Variants in SOX6 observed in about 807,000 individuals in gnomAD.
SOX6 encodes transcription factor SOX-6.
A neutral mutation model predicts 97.8 loss-of-function variants in SOX6; 11 were observed. The observed-to-expected ratio is 0.11, with a 90% CI of 0.07 to 0.19. SOX6 has a LOEUF of 0.19. Among genes scored for constraint, SOX6 ranks in the 10% least tolerant of loss-of-function variants. The pLI is 1.00. For missense variants in SOX6, 810 were observed against 1,039.5 expected (o/e 0.78, Z 3.04); for synonymous variants, 360 against 371.4 (o/e 0.97, Z 0.35).
chr11:16,304,428 T>C (rs1055071350), intron 3 of SOX6, among the ~76,000 whole-genome samples: 2 of 152,114 alleles, frequency 1.3e-5, no homozygotes, highest in African/African-American at 4.8e-5. Context: ...GCTTCCACTA[T>C]GGGAGAATGC....
intron 12 of SOX6, 184 bp from the exon 13 acceptor site, chr11:16,015,234 A>G: frequency 1.6e-6 from 1 of 642,532 alleles, no homozygotes; most frequent in Non-Finnish European, 2.8e-6. Context: ...CAGCACTGAC[A>G]GCATCTAGAC....
At chr11:16,590,453 C>T (rs1253212012) in intron 4 of SOX6, among the ~76,000 whole-genome samples, 1 of 152,036 alleles carries the variant, frequency 6.6e-6, no homozygotes, top group Non-Finnish European at 1.5e-5. Context: ...AGAGATAGTA[C>T]CATGGACTTC....
At chr11:16,713,766 A>G (rs1306792900) in intron 3 of SOX6, among the ~76,000 whole-genome samples, 1 of 152,236 alleles carries the variant, frequency 6.6e-6, no homozygotes, top group Non-Finnish European at 1.5e-5. Flanking sequence ...TCCATGAAGC[A>G]ATGTCACAAC....
chr11:16,427,328 T>C lies in SOX6; in HGVS notation c.-5+48987A>G, dbSNP rs1859163754. On this transcript the variant is annotated intron_variant, in intron 1 of 15. Transcript: ENST00000396356. ...TGCAACGGACATGACCATGCACTTT[T>C]CTTTTTTTTTTTTAATTATACTTTA... Among the ~76,000 whole-genome samples the C allele has an allele frequency of 2.6e-4, 3 of 11,578 alleles. No individual in the cohort carries two copies. The South Asian group carries it at 5.7e-3, about 22-fold the overall frequency. The allele number at this position is 11,578 out of a possible 152,430, so 7.6% of individuals were successfully genotyped here.
chr11:16,172,137 C>G (rs970790269), intron 6 of SOX6, among the ~76,000 whole-genome samples: 4 of 151,754 alleles, frequency 2.6e-5, no homozygotes, highest in Admixed American at 2.6e-4. Context: ...CATCTCTTTT[C>G]AAATGAAAAT....
intron 6 of SOX6, among the ~76,000 whole-genome samples, chr11:16,120,581 T>TATATATGC (rs140473523): frequency 2.0e-5 from 3 of 149,724 alleles, no homozygotes; most frequent in East Asian, 4.1e-4. Flanking sequence ...TATATATATA[T>TATATATGC]ACACACACTT....
intron 3 of SOX6, among the ~76,000 whole-genome samples, chr11:16,709,517 C>CA (rs1013121894): frequency 5.5e-4 from 79 of 143,968 alleles, no homozygotes; most frequent in African/African-American, 7.7e-4. Context: ...GACTGTGTCT[C>CA]AAAAAAAAAA....
chr11:16,260,327 G>A (rs1461768519), intron 3 of SOX6, among the ~76,000 whole-genome samples: 1 of 151,944 alleles, frequency 6.6e-6, no homozygotes, highest in Non-Finnish European at 1.5e-5. Context: ...AAATAAAGAA[G>A]TACTATTCTT....
chr11:16,191,288 C>G (rs1851623570), intron 4 of SOX6, among the ~76,000 whole-genome samples: 1 of 152,008 alleles, frequency 6.6e-6, no homozygotes, highest in African/African-American at 2.4e-5. Flanking sequence ...GAACCTGTCT[C>G]TCCAAAAATT....
chr11:16,313,623 A>C (rs1855673283), intron 3 of SOX6: 1 of 152,110 alleles, frequency 6.6e-6, no homozygotes, highest in South Asian at 2.1e-4. Context: ...AATCTATCCT[A>C]AACTTTTTAA....
chr11:16,613,621 C>T lies in SOX6; in HGVS notation n.430-1361G>A, dbSNP rs182751124. 5.9e-5 allele frequency among the ~76,000 whole-genome samples: 9 copies of T among 152,166 alleles called. No individual in the cohort carries two copies. In the East Asian group the frequency reaches 1.7e-3, roughly 30 times the overall value. On this transcript the variant is annotated intron_variant and non_coding_transcript_variant, in intron 3 of 5. Coordinates refer to the SOX6 transcript ENST00000524520. This position sits in a 1 kb window ranked among gnomAD's most constrained non-coding sequence, Gnocchi z 4.6. ...GCTGCCTCCACGCGCGCGCGCGGAC[C>T]CACGAGCACACACACACGCACGCAC...
At chr11:16,030,096 T>C (rs1855325953) in intron 12 of SOX6, among the ~76,000 whole-genome samples, 1 of 152,208 alleles carries the variant, frequency 6.6e-6, no homozygotes, top group African/African-American at 2.4e-5. Context: ...TATTAAAATG[T>C]CACTTATATA....
intron 4 of SOX6, among the ~76,000 whole-genome samples, chr11:16,218,313 A>G (rs952896755): frequency 3.1e-4 from 47 of 152,150 alleles, no homozygotes; most frequent in African/African-American, 1.1e-3. Context: ...GTCTCATAAT[A>G]TCAATTGAAT....
intron 1 of SOX6, among the ~76,000 whole-genome samples, chr11:16,348,744 A>G (rs1856831372): frequency 6.6e-6 from 1 of 152,140 alleles, no homozygotes; most frequent in Admixed American, 6.5e-5. Flanking sequence ...TTTCTAGCCT[A>G]GCAACCTTCC....
intron 3 of SOX6, among the ~76,000 whole-genome samples, chr11:16,240,451 A>G (rs1051948313): frequency 2.6e-5 from 4 of 151,996 alleles, no homozygotes; most frequent in Non-Finnish European, 5.9e-5. Context: ...TCGGTACAAT[A>G]TTCTCTCTAT....
At chr11:16,510,894 G>A (rs1860871131) in intron 4 of SOX6, among the ~76,000 whole-genome samples, 1 of 151,956 alleles carries the variant, frequency 6.6e-6, no homozygotes, top group Admixed American at 6.6e-5. Flanking sequence ...ATAGAGGAGA[G>A]CAACCAATCC....
rs150393184 is a variant in SOX6, at chr11:16,610,441, C to T, written n.609+1640G>A. On this transcript the variant is annotated intron_variant and non_coding_transcript_variant, in intron 4 of 5. Transcript: ENST00000524520. The surrounding 1 kb of genome is among the most constrained non-coding windows in gnomAD (Gnocchi z 4.4). ...CGGGGTTCTGGTGGGCAAGACTGAC[C>T]CTGCCGACCAGATGCAGGCCGCTAG... Among the ~76,000 whole-genome samples, 11 of 152,224 alleles carry T rather than the reference C, an allele frequency of 7.2e-5. No individual in the cohort carries two copies. In the East Asian group the frequency reaches 2.1e-3, roughly 29 times the overall value.
At chr11:16,334,115 TAC>T (rs1390997123) in intron 2 of SOX6, among the ~76,000 whole-genome samples, 9 of 152,136 alleles carry the variant, frequency 5.9e-5, no homozygotes, top group African/African-American at 2.2e-4. Flanking sequence ...TTGGATCTTA[TAC>T]AGACTTAATG....
intron 1 of SOX6, among the ~76,000 whole-genome samples, chr11:16,459,385 A>G (rs1785405666): frequency 6.6e-6 from 1 of 152,048 alleles, no homozygotes; most frequent in Non-Finnish European, 1.5e-5. Context: ...AAAAATACTG[A>G]GCACTTAAAA....
Sources: allele counts gnomAD v4.1 joint callset (sites outside exome capture counted in the v4.1 genomes callset), GRCh38; gene constraint gnomAD v4.1.1; non-coding constraint Gnocchi (gnomAD v3.1); transcripts MANE v1.5; gene names NCBI Gene and HGNC (gene_info 2026-07-23, HGNC 2026-07-21).